The following SGCB variants were observed in gnomAD, a reference collection of about 807,000 sequenced individuals.
The protein encoded by SGCB is beta-sarcoglycan.
Under a neutral mutation model 27.3 loss-of-function variants are expected in SGCB, and 25 were observed. The ratio of observed to expected loss-of-function variants is 0.92; its 90% CI spans 0.67 to 1.28. The LOEUF (loss-of-function observed/expected upper bound fraction) is 1.28, where lower values mean the gene tolerates loss of function less well. Ranked by LOEUF, SGCB falls within the 50% of genes most tolerant of loss-of-function variation. The pLI is 0.00. For missense variants in SGCB, 436 were observed against 402.1 expected, an observed-to-expected ratio of 1.08 and a Z score of -0.72; for synonymous variants, 147 against 133.5, an observed-to-expected ratio of 1.10 and a Z score of -0.70.
Position 52,020,884 on chromosome 4 carries a change from A to G in SGCB, c.*3073T>C, listed in dbSNP as rs1736932157. On this transcript the variant is annotated 3_prime_UTR_variant, in exon 6 of 6. Transcript: ENST00000381431. ...GACTGTTAAAATTTTCAGCATTTCAATGATCTCTTATTTGTCAGGTTTAGC... is the reference window on the plus strand; with the variant it reads ...GACTGTTAAAATTTTCAGCATTTCAGTGATCTCTTATTTGTCAGGTTTAGC... 6.6e-6 allele frequency: 1 copy of G among 152,566 alleles called. No homozygotes were observed. Among genetic ancestry groups the G allele is most frequent in the South Asian group, 2.1e-4 (1 of 4,832 alleles). 9.5% of individuals were successfully genotyped at this position (152,566 alleles called of 1,614,324 possible). A position where few individuals can be genotyped will look rare whatever the true frequency, so the allele number is the denominator to read the frequency against.
rs907265903 is a variant in SGCB, at chr4:52,022,821, A to T, written c.*1136T>A. 1 of 152,220 alleles carries T rather than the reference A, an allele frequency of 6.6e-6. No homozygotes were observed. Among genetic ancestry groups the T allele is most frequent in the African/African-American group, 2.4e-5 (1 of 41,462 alleles). 9.4% of individuals were successfully genotyped at this position (152,220 alleles called of 1,614,324 possible). On this transcript the variant is annotated 3_prime_UTR_variant, in exon 6 of 6. Coordinates refer to ENST00000381431, the MANE Select transcript of SGCB (RefSeq NM_000232.5). ...CATTGTTGGGAAACTGAGGTAACTC[A>T]GAAGTAGGTAAATTTGACCTCTCCA... is the stretch of plus-strand genomic sequence containing the variant.
intron 2 of SGCB, chr4:52,032,073 T>C (rs575771077): frequency 2.4e-5 from 10 of 409,702 alleles, no homozygotes; most frequent in East Asian, 1.4e-4. Context: ...CGCAGGCAGA[T>C]AGAATCCTCT....
rs773203081 is a variant in SGCB at position 52,029,735 on chromosome 4, T to C, written c.372A>G (p.Lys124=). ...CATTTCGCCTTCCTCCTACTGTGCTTTTATAAAGAGGGTGGATCACTCCCA... is the reference window on the plus strand; with the variant it reads ...CATTTCGCCTTCCTCCTACTGTGCTCTTATAAAGAGGGTGGATCACTCCCA... ...SDMGVIHPLY[K]STVGGRRNEN... The change falls in exon 3 of 6, where the codon AAA becomes AAG. Residue 124 remains lysine (K), a synonymous_variant. Coordinates refer to ENST00000381431, the MANE Select transcript of SGCB (RefSeq NM_000232.5). 1 of 1,613,822 alleles carries C rather than the reference T, an allele frequency of 6.2e-7. No individual in the cohort carries two copies. Among genetic ancestry groups the C allele is most frequent in the Non-Finnish European group, 8.5e-7 (1 of 1,179,860 alleles).
At chr4:52,027,915 T>C in intron 5 of SGCB, 53 bp downstream of exon 5, 1 of 1,518,394 alleles carries the variant, frequency 6.6e-7, no homozygotes, top group South Asian at 1.1e-5. Flanking sequence ...CACATATGGA[T>C]TTATGTACCC....
chr4:52,020,991 A>C lies in SGCB; in HGVS notation c.*2966T>G, dbSNP rs1736934303. ...CACCTTTCATCATCAAAATTATCAC[A>C]CAAAATTTATTTTGTTTTTTTCACA... On this transcript the variant is annotated 3_prime_UTR_variant, in exon 6 of 6. Coordinates refer to ENST00000381431, the MANE Select transcript of SGCB (RefSeq NM_000232.5). The C allele has an allele frequency of 1.3e-5, 2 of 152,230 alleles. No individual in the cohort carries two copies. The highest frequency in any genetic ancestry group is 4.8e-5 in the African/African-American group (2 of 41,454). The allele number at this position is 152,230 out of a possible 1,614,324, so 9.4% of individuals were successfully genotyped here. A position where few individuals can be genotyped will look rare whatever the true frequency, so the allele number is the denominator to read the frequency against.
rs556114250 is a variant in SGCB, at chr4:52,027,903, T to C, written c.753+65A>G. On this transcript the variant is annotated intron_variant, in intron 5 of 5. Transcript: ENST00000381431. ...ATCATTTTCAATAATTGTATACTATTCCACATATGGATTTATGTACCCAAG... is the reference window on the plus strand; with the variant it reads ...ATCATTTTCAATAATTGTATACTATCCCACATATGGATTTATGTACCCAAG... 1.2e-5 allele frequency: 17 copies of C among 1,407,950 alleles called. 3 individuals carry two copies. The African/African-American group carries it at 2.3e-4, about 19-fold the overall frequency. The allele number at this position is 1,407,950 out of a possible 1,614,324, so 87.2% of individuals were successfully genotyped here.
intron 5 of SGCB, among the ~76,000 whole-genome samples, chr4:52,024,440 T>C (rs1353345853): frequency 6.6e-6 from 1 of 152,120 alleles, no homozygotes; most frequent in African/African-American, 2.4e-5. Context: ...ATAATAAAAT[T>C]GATGTTGATA....
chr4:52,024,851 A>G (rs910119006), intron 5 of SGCB, among the ~76,000 whole-genome samples: 1 of 150,994 alleles, frequency 6.6e-6, no homozygotes, highest in African/African-American at 2.4e-5. Flanking sequence ...AAAAAAAAAA[A>G]AAAAGACTTT....
In SGCB at chr4:52,028,934, C is replaced by A; in HGVS notation, c.430-13G>T. The A allele has an allele frequency of 2.5e-6, 4 of 1,594,928 alleles. No individual in the cohort carries two copies. Among genetic ancestry groups the A allele is most frequent in the South Asian group, 2.2e-5 (2 of 90,622 alleles). ...GCTGAAAAACAATCTTCAAAAAAAA[C>A]AGTTTATTGTGAATATATTTTCAAA... On this transcript the variant is annotated splice_polypyrimidine_tract_variant and intron_variant, in intron 3 of 5. Coordinates refer to ENST00000381431, the MANE Select transcript of SGCB (RefSeq NM_000232.5).
At position 52,020,931 on chromosome 4, in the gene SGCB, T is replaced by TA. The variant is rs1032286172; in HGVS notation, c.*3025dup. 2.6e-5 allele frequency: 4 copies of TA among 152,410 alleles called. No individual in the cohort carries two copies. Among genetic ancestry groups the TA allele is most frequent in the Non-Finnish European group, 4.4e-5 (3 of 68,022 alleles). 9.4% of individuals were successfully genotyped at this position (152,410 alleles called of 1,614,324 possible). A position where few individuals can be genotyped will look rare whatever the true frequency, so the allele number is the denominator to read the frequency against. ...TAGCACCATGACATTCTCATTCCCT[T>TA]AAAAAAACACTCATTCAAATCTAGG... On this transcript the variant is annotated 3_prime_UTR_variant, in exon 6 of 6. Transcript: ENST00000381431.
intron 5 of SGCB, among the ~76,000 whole-genome samples, chr4:52,024,802 T>C (rs1326884888): frequency 1.7e-5 from 2 of 114,680 alleles, no homozygotes; most frequent in Non-Finnish European, 3.3e-5. Context: ...CACTCCAGCC[T>C]GGGTGACTGA....
rs769164496 is a variant in SGCB, at chr4:52,028,110, A to T, written c.622-11T>A. ...AGCATTGCTGGTAATCTGAAAATTT[A>T]AAAAACAAGTACTAAAAAGAGTTTC... On this transcript the variant is annotated splice_polypyrimidine_tract_variant and intron_variant, in intron 4 of 5. Coordinates refer to ENST00000381431, the MANE Select transcript of SGCB (RefSeq NM_000232.5). The T allele has an allele frequency of 1.3e-6, 2 of 1,599,728 alleles. No individual in the cohort carries two copies. Among genetic ancestry groups the T allele is most frequent in the Non-Finnish European group, 1.7e-6 (2 of 1,167,310 alleles).
chr4:52,024,893 A>G (rs1347374880), intron 5 of SGCB, among the ~76,000 whole-genome samples: 1 of 151,286 alleles, frequency 6.6e-6, no homozygotes, highest in African/African-American at 2.4e-5. Flanking sequence ...TTAATTTCCA[A>G]TGTTTTTGCA....
chr4:52,036,916 T>C (rs1028032437), intron 1 of SGCB, among the ~76,000 whole-genome samples: 1 of 152,222 alleles, frequency 6.6e-6, no homozygotes, highest in Non-Finnish European at 1.5e-5. Context: ...ATAGTAAGTA[T>C]GACAGAGTCC....
intron 2 of SGCB, chr4:52,031,915 G>A (rs1273977096): frequency 4.4e-6 from 2 of 455,972 alleles, no homozygotes; most frequent in Admixed American, 2.4e-5. Flanking sequence ...ATATGCATCA[G>A]GAATCCCAGA....
chr4:52,033,727 A>G, intron 1 of SGCB, 87 bp from the exon 2 acceptor site: 1 of 992,840 alleles, frequency 1.0e-6, no homozygotes, highest in East Asian at 2.4e-5. Flanking sequence ...TAGCTATAGC[A>G]AGCTGAATTG....
chr4:52,034,477 T>C (rs1291583006), intron 1 of SGCB, among the ~76,000 whole-genome samples: 1 of 151,714 alleles, frequency 6.6e-6, no homozygotes, highest in South Asian at 2.1e-4. Context: ...TTACATTGTG[T>C]TCAGTGTTGT....
chr4:52,025,627 A>G (rs1273353460), intron 5 of SGCB, among the ~76,000 whole-genome samples: 1 of 152,220 alleles, frequency 6.6e-6, no homozygotes, highest in East Asian at 1.9e-4. Flanking sequence ...TACGGGAAGC[A>G]TTTGGAGGAT....
At chr4:52,025,154 A>ACT (rs1737054236) in intron 5 of SGCB, among the ~76,000 whole-genome samples, 1 of 152,210 alleles carries the variant, frequency 6.6e-6, no homozygotes, top group African/African-American at 2.4e-5. Flanking sequence ...AGCAGTAAGT[A>ACT]AAACAGGCAA....
Sources: gnomAD v4.1 joint callset for allele counts (sites outside exome capture counted in the v4.1 genomes callset) on GRCh38, gnomAD v4.1.1 for gene constraint, MANE v1.5 for transcripts, NCBI Gene and HGNC (gene_info 2026-07-23, HGNC 2026-07-21) for gene names.